The following RAB15 variants were observed in gnomAD, a reference collection of about 807,000 sequenced individuals.
The protein encoded by RAB15 is RAB15, member RAS oncogene family.
RAB15 carries 13 observed loss-of-function variants against 31.8 expected under a neutral mutation model. The ratio of observed to expected loss-of-function variants is 0.41; its 90% CI spans 0.27 to 0.65. The LOEUF is 0.65. RAB15 is among the 30% of genes least tolerant of loss of function. The pLI, the probability that RAB15 is intolerant of heterozygous loss-of-function variation, is 0.32. For synonymous variants in RAB15, 100 were observed against 105.6 expected (o/e 0.95, Z 0.33); for missense variants, 220 against 277.3 (o/e 0.79, Z 1.47).
At position 64,947,062 on chromosome 14, in the gene RAB15, A is replaced by G. The variant is rs1390825653; in HGVS notation, c.*1292T>C. On this transcript the variant is annotated 3_prime_UTR_variant, in exon 7 of 7. Coordinates refer to ENST00000533601, the MANE Select transcript of RAB15 (RefSeq NM_001308154.2). This position sits in a 1 kb window ranked among gnomAD's most constrained non-coding sequence, Gnocchi z 5.6. ...TTAAAGGCCAAAGAGAACAGCACCA[A>G]GCGTTTCTACCCAGGGCCTTCCTTC... 1 of 152,590 alleles carries G rather than the reference A, an allele frequency of 6.6e-6. No individual in the cohort carries two copies. The highest frequency in any genetic ancestry group is 1.9e-4 in the East Asian group (1 of 5,196). 9.5% of individuals were successfully genotyped at this position (152,590 alleles called of 1,614,324 possible).
Position 64,951,109 on chromosome 14 carries a change from G to A in RAB15, c.289C>T (p.Gln97Ter). ...TCACTGACCCACTTCATGATGTGCTGGTAAGAGCGCTCGCTGCTAATGTCA... is the reference window on the plus strand; with the variant it reads ...TCACTGACCCACTTCATGATGTGCTAGTAAGAGCGCTCGCTGCTAATGTCA... Reference protein sequence around the residue: ...VYDISSERSYQHIMKWVSDVD... With the variant: ...VYDISSERSY Residue 97 changes from glutamine to a stop codon, truncating the protein, a stop_gained, in exon 4 of 7, where the codon CAG becomes TAG. Coordinates refer to ENST00000533601, the MANE Select transcript of RAB15 (RefSeq NM_001308154.2). LOFTEE classifies it high-confidence loss of function. The surrounding 1 kb of genome is among the most constrained non-coding windows in gnomAD (Gnocchi z 7.2). The A allele has an allele frequency of 6.2e-7, 1 of 1,612,856 alleles. No individual in the cohort carries two copies. Among genetic ancestry groups the A allele is most frequent in the Non-Finnish European group, 8.5e-7 (1 of 1,180,000 alleles).
Position 64,962,815 on chromosome 14 carries a change from T to G in RAB15, c.124+9138A>C, listed in dbSNP as rs1387418750. Among the ~76,000 whole-genome samples, 1 of 152,214 alleles carries G rather than the reference T, an allele frequency of 6.6e-6. No individual in the cohort carries two copies. Among genetic ancestry groups the G allele is most frequent in the Non-Finnish European group, 1.5e-5 (1 of 68,036 alleles). ...CAGGTCTTGTGTGGACCCTCACATG[T>G]GCACCTGCATCTGTACTGTTTACTG... is the stretch of plus-strand genomic sequence containing the variant. On this transcript the variant is annotated intron_variant, in intron 1 of 6. Transcript: ENST00000533601. This position sits in a 1 kb window ranked among gnomAD's most constrained non-coding sequence, Gnocchi z 4.2.
rs1352806559 is a variant in RAB15, at chr14:64,952,717, AACTGACCTTAAGGAAGT to A, written c.125-163_125-147del. 3.5e-6 allele frequency: 2 copies of A among 569,946 alleles called. No homozygotes were observed. Among genetic ancestry groups the A allele is most frequent in the African/African-American group, 1.9e-5 (1 of 52,030 alleles). 35.3% of individuals were successfully genotyped at this position (569,946 alleles called of 1,614,324 possible). A position where few individuals can be genotyped will look rare whatever the true frequency, so the allele number is the denominator to read the frequency against. On this transcript the variant is annotated intron_variant, in intron 1 of 6. Coordinates refer to ENST00000533601, the MANE Select transcript of RAB15 (RefSeq NM_001308154.2). The surrounding 1 kb of genome is among the most constrained non-coding windows in gnomAD (Gnocchi z 4.2). ...AATGTAAAGGCCTTCTTTAAGCAGA[AACTGACCTTAAGGAAGT>A]ATCTGAAGCTTTGAAAGGGGCTTTC... is the stretch of plus-strand genomic sequence containing the variant.
chr14:64,950,438 CAGCCAGTG>C lies in RAB15; in HGVS notation c.325-32_325-25del. Reference sequence around the variant, plus strand: ...TACTAGGGACAAAGGATGGGCAGAACAGCCAGTGAGTGCTGCCTGCCCCCCCAATTTTC... The same window carrying C: ...TACTAGGGACAAAGGATGGGCAGAACAGTGCTGCCTGCCCCCCCAATTTTC... On this transcript the variant is annotated intron_variant, in intron 4 of 6. Transcript: ENST00000533601. The surrounding 1 kb of genome is among the most constrained non-coding windows in gnomAD (Gnocchi z 5.6). The C allele has an allele frequency of 6.3e-7, 1 of 1,590,184 alleles. No individual in the cohort carries two copies. The highest frequency in any genetic ancestry group is 8.6e-7 in the Non-Finnish European group (1 of 1,158,674).
Position 64,971,276 on chromosome 14 carries a change from G to A in RAB15, c.124+677C>T, listed in dbSNP as rs1887402223. Among the ~76,000 whole-genome samples the A allele has an allele frequency of 6.6e-6, 1 of 152,188 alleles. No homozygotes were observed. ...CCAGATGAGAGATGCCCTCAGGCGG[G>A]TCCTGCCTGCCTTCTGACCCCTTGG... On this transcript the variant is annotated intron_variant, in intron 1 of 6. Coordinates refer to ENST00000533601, the MANE Select transcript of RAB15 (RefSeq NM_001308154.2). This position sits in a 1 kb window ranked among gnomAD's most constrained non-coding sequence, Gnocchi z 4.1.
chr14:64,951,762 T>G lies in RAB15; in HGVS notation c.186-99A>C. 8 of 1,045,370 alleles carry G rather than the reference T, an allele frequency of 7.7e-6. No homozygotes were observed. The highest frequency in any genetic ancestry group is 1.2e-5 in the Non-Finnish European group (8 of 666,932). 64.8% of individuals were successfully genotyped at this position (1,045,370 alleles called of 1,614,324 possible). On this transcript the variant is annotated intron_variant, in intron 2 of 6. Coordinates refer to ENST00000533601, the MANE Select transcript of RAB15 (RefSeq NM_001308154.2). The surrounding 1 kb of genome is among the most constrained non-coding windows in gnomAD (Gnocchi z 7.2). ...CCCCTTGTAGGAAAAACTGGGGAGC[T>G]AAAGGGTGAAAAACCAGGGATGCTT...
rs956779483 is a variant in RAB15 at position 64,970,680 on chromosome 14, C to G, written c.124+1273G>C. Among the ~76,000 whole-genome samples the G allele has an allele frequency of 6.6e-6, 1 of 152,352 alleles. No individual in the cohort carries two copies. Among genetic ancestry groups the G allele is most frequent in the Middle Eastern group, 3.4e-3 (1 of 294 alleles). Reference sequence around the variant, plus strand: ...TCGTTATCTCATTTAATCTTGACAACAACTTGGCAGGTAGGTGCAATTATT... The same window carrying G: ...TCGTTATCTCATTTAATCTTGACAAGAACTTGGCAGGTAGGTGCAATTATT... On this transcript the variant is annotated intron_variant, in intron 1 of 6. Coordinates refer to ENST00000533601, the MANE Select transcript of RAB15 (RefSeq NM_001308154.2). This position sits in a 1 kb window ranked among gnomAD's most constrained non-coding sequence, Gnocchi z 4.1.
chr14:64,951,722 GAA>G lies in RAB15; in HGVS notation c.186-61_186-60del. On this transcript the variant is annotated intron_variant, in intron 2 of 6. Coordinates refer to ENST00000533601, the MANE Select transcript of RAB15 (RefSeq NM_001308154.2). The surrounding 1 kb of genome is among the most constrained non-coding windows in gnomAD (Gnocchi z 7.2). ...GGACCATGGGAACAGACGGGGAGGG[GAA>G]GAGCAGAGCTGTCCCCTTGTAGGAA... The G allele has an allele frequency of 6.9e-7, 1 of 1,446,324 alleles. No homozygotes were observed. The highest frequency in any genetic ancestry group is 2.3e-5 in the East Asian group (1 of 44,160). The allele number at this position is 1,446,324 out of a possible 1,614,324, so 89.6% of individuals were successfully genotyped here. A position where few individuals can be genotyped will look rare whatever the true frequency, so the allele number is the denominator to read the frequency against.
Position 64,953,923 on chromosome 14 carries a change from TC to T in RAB15, c.125-1353del, listed in dbSNP as rs1886403360. ...CCCAGAAGGCCTGAAGGCACCAGCA[TC>T]CCCATCACCACTGCCACTCCACCTC... On this transcript the variant is annotated intron_variant, in intron 1 of 6. Coordinates refer to ENST00000533601, the MANE Select transcript of RAB15 (RefSeq NM_001308154.2). The surrounding 1 kb of genome is among the most constrained non-coding windows in gnomAD (Gnocchi z 4.6). 1.0e-6 allele frequency: 1 copy of T among 985,388 alleles called. No homozygotes were observed. The highest frequency in any genetic ancestry group is 1.1e-4 in the East Asian group (1 of 8,814). The allele number at this position is 985,388 out of a possible 1,614,324, so 61.0% of individuals were successfully genotyped here.
rs565086840 is a variant in RAB15 at position 64,972,129 on chromosome 14, C to G, written c.-53G>C. On this transcript the variant is annotated 5_prime_UTR_variant, in exon 1 of 7. Coordinates refer to ENST00000533601, the MANE Select transcript of RAB15 (RefSeq NM_001308154.2). The surrounding 1 kb of genome is among the most constrained non-coding windows in gnomAD (Gnocchi z 6.3). The stretch of plus-strand genomic sequence containing the variant: ...CGGGCGGGCAGCGGGCTCAGCCCTG[C>G]TCCGCCGCTGCCATCGCGGCCCGCG... 1.4e-3 allele frequency: 1,864 copies of G among 1,303,494 alleles called. 1 individual carries two copies. The highest frequency in any genetic ancestry group is 1.7e-3 in the Non-Finnish European group (1,715 of 1,022,430). The allele number at this position is 1,303,494 out of a possible 1,614,324, so 80.7% of individuals were successfully genotyped here.
At position 64,970,602 on chromosome 14, in the gene RAB15, A is replaced by G. The variant is rs140491734; in HGVS notation, c.124+1351T>C. ...GATAATGGCAATAGCAGTAAGAACA[A>G]TCAGCATTTATCGAGCTTCACCATG... is the stretch of plus-strand genomic sequence containing the variant. On this transcript the variant is annotated intron_variant, in intron 1 of 6. Coordinates refer to ENST00000533601, the MANE Select transcript of RAB15 (RefSeq NM_001308154.2). The surrounding 1 kb of genome is among the most constrained non-coding windows in gnomAD (Gnocchi z 4.1). Among the ~76,000 whole-genome samples the G allele has an allele frequency of 1.3e-5, 2 of 152,352 alleles. No individual in the cohort carries two copies. Among genetic ancestry groups the G allele is most frequent in the African/African-American group, 4.8e-5 (2 of 41,582 alleles).
intron 1 of RAB15, among the ~76,000 whole-genome samples, chr14:64,956,129 G>A (rs923919746): frequency 3.3e-5 from 5 of 152,202 alleles, no homozygotes; most frequent in African/African-American, 4.8e-5. Context: ...CTGGCCGCAC[G>A]CGGTGGCTCA....
chr14:64,957,164 T>C (rs1886621858), intron 1 of RAB15, among the ~76,000 whole-genome samples: 1 of 151,936 alleles, frequency 6.6e-6, no homozygotes, highest in South Asian at 2.1e-4. Flanking sequence ...CTTGAACTCC[T>C]GGGCTCCAGC....
In RAB15 at chr14:64,950,651, C is replaced by A. The variant is rs1886198131; in HGVS notation, c.325-237G>T. Reference sequence around the variant, plus strand: ...AGACTGGTGCTTCCTTGGGTTAGACCACTGGTATCAGAGCTGGAAAGGACA... The same window carrying A: ...AGACTGGTGCTTCCTTGGGTTAGACAACTGGTATCAGAGCTGGAAAGGACA... On this transcript the variant is annotated intron_variant, in intron 4 of 6. Coordinates refer to ENST00000533601, the MANE Select transcript of RAB15 (RefSeq NM_001308154.2). This position sits in a 1 kb window ranked among gnomAD's most constrained non-coding sequence, Gnocchi z 5.6. The A allele has an allele frequency of 1.7e-6, 1 of 600,510 alleles. No individual in the cohort carries two copies. Among genetic ancestry groups the A allele is most frequent in the Non-Finnish European group, 3.0e-6 (1 of 337,232 alleles). 37.2% of individuals were successfully genotyped at this position (600,510 alleles called of 1,614,324 possible). A position where few individuals can be genotyped will look rare whatever the true frequency, so the allele number is the denominator to read the frequency against.
chr14:64,971,934 C>A lies in RAB15; in HGVS notation c.124+19G>T. ...CCGCGGGCGGGGAGGGAGGGGCGCC[C>A]CGGGCCACCGCCCCTTACCGATGGT... On this transcript the variant is annotated intron_variant, in intron 1 of 6. Transcript: ENST00000533601. This position sits in a 1 kb window ranked among gnomAD's most constrained non-coding sequence, Gnocchi z 4.1. 6.4e-7 allele frequency: 1 copy of A among 1,551,100 alleles called. No individual in the cohort carries two copies.
At position 64,962,294 on chromosome 14, in the gene RAB15, G is replaced by T. The variant is rs1249720947; in HGVS notation, c.124+9659C>A. ...CTATAACTTCCCTCAGGGAAGAACA[G>T]AAGTCCTCTAGGAAAATGCATTCAT... On this transcript the variant is annotated intron_variant, in intron 1 of 6. Transcript: ENST00000533601. This position sits in a 1 kb window ranked among gnomAD's most constrained non-coding sequence, Gnocchi z 4.2. Among the ~76,000 whole-genome samples, 1 of 152,178 alleles carries T rather than the reference G, an allele frequency of 6.6e-6. No individual in the cohort carries two copies. Among genetic ancestry groups the T allele is most frequent in the Non-Finnish European group, 1.5e-5 (1 of 68,034 alleles).
chr14:64,966,994 A>T (rs1006975996), intron 1 of RAB15, among the ~76,000 whole-genome samples: 6 of 152,026 alleles, frequency 3.9e-5, no homozygotes, highest in African/African-American at 1.4e-4. Context: ...CTGTTAGGTC[A>T]CCCCATTCCA....
rs919075373 is a variant in RAB15 at position 64,958,559 on chromosome 14, C to T, written c.125-5988G>A. Among the ~76,000 whole-genome samples, 1 of 152,230 alleles carries T rather than the reference C, an allele frequency of 6.6e-6. No homozygotes were observed. The highest frequency in any genetic ancestry group is 2.4e-5 in the African/African-American group (1 of 41,456). On this transcript the variant is annotated intron_variant, in intron 1 of 6. Transcript: ENST00000533601. The surrounding 1 kb of genome is among the most constrained non-coding windows in gnomAD (Gnocchi z 4.4). Reference sequence around the variant, plus strand: ...TTACAGCAGCCAGCCCTAACTAAGACACCCACCATAGCCTATTTTCTCCTT... The same window carrying T: ...TTACAGCAGCCAGCCCTAACTAAGATACCCACCATAGCCTATTTTCTCCTT...
At position 64,952,652 on chromosome 14, in the gene RAB15, A is replaced by G; in HGVS notation, c.125-81T>C. On this transcript the variant is annotated intron_variant, in intron 1 of 6. Transcript: ENST00000533601. The surrounding 1 kb of genome is among the most constrained non-coding windows in gnomAD (Gnocchi z 4.2). Reference sequence around the variant, plus strand: ...GGAAAGGGCCAGGCAATCACACTTGAAAGGTTTCCTTTCAGTTTAATTTGG... The same window carrying G: ...GGAAAGGGCCAGGCAATCACACTTGGAAGGTTTCCTTTCAGTTTAATTTGG... 9.7e-7 allele frequency: 1 copy of G among 1,031,264 alleles called. No individual in the cohort carries two copies. The highest frequency in any genetic ancestry group is 1.5e-6 in the Non-Finnish European group (1 of 677,308). The allele number at this position is 1,031,264 out of a possible 1,614,324, so 63.9% of individuals were successfully genotyped here.
Sources: gnomAD v4.1 joint callset for allele counts (sites outside exome capture counted in the v4.1 genomes callset) on GRCh38, gnomAD v4.1.1 for gene constraint, Gnocchi (gnomAD v3.1) non-coding constraint, MANE v1.5 for transcripts, NCBI Gene and HGNC (gene_info 2026-07-23, HGNC 2026-07-21) for gene names.